The following MTOR variants were observed in gnomAD, a reference collection of about 807,000 sequenced individuals.
MTOR encodes the protein mechanistic target of rapamycin kinase, also known as serine/threonine-protein kinase mTOR.
MTOR carries 70 observed loss-of-function variants against 319.8 expected under a neutral mutation model. The ratio of observed to expected loss-of-function variants is 0.22; its 90% CI spans 0.18 to 0.27. MTOR has a LOEUF of 0.27. Ranked by LOEUF, MTOR falls within the 10% of genes least tolerant of loss-of-function variation. MTOR has a pLI of 1.00. For missense variants in MTOR, 1,890 were observed against 3,274.4 expected, an observed-to-expected ratio of 0.58 and a Z score of 10.32; for synonymous variants, 1,183 against 1,211.4, an observed-to-expected ratio of 0.98 and a Z score of 0.49.
chr1:11,252,924 A>C (rs375947045), intron 6 of MTOR, among the ~76,000 whole-genome samples: 16 of 152,198 alleles, frequency 1.1e-4, no homozygotes, highest in African/African-American at 3.6e-4. Flanking sequence ...TACAAGGCGC[A>C]TAACCAAGGG....
At position 11,237,837 on chromosome 1, in the gene MTOR, G is replaced by A. The variant is rs375405319; in HGVS notation, c.2208+6C>T. On this transcript the variant is annotated splice_donor_region_variant and intron_variant, in intron 13 of 57. Transcript: ENST00000361445. ...TGCCTGTGGGTCTGGCCATCACCTC[G>A]GTTACCTGGATGAGCATCTTGCGCA... The A allele has an allele frequency of 1.4e-4, 231 of 1,613,642 alleles. No individual in the cohort carries two copies. Among genetic ancestry groups the A allele is most frequent in the Non-Finnish European group, 1.9e-4 (227 of 1,180,016 alleles).
chr1:11,238,348 A>T, intron 12 of MTOR, 54 bp downstream of exon 12: 1 of 1,577,080 alleles, frequency 6.3e-7, no homozygotes, highest in Non-Finnish European at 8.7e-7. Context: ...GGCTACTCCC[A>T]ATTGTCCTAA....
chr1:11,117,185 G>A lies in MTOR; in HGVS notation c.6934-99C>T, dbSNP rs1299151482. ...GTCTTTGGTTTGTACTTTTGAGACC[G>A]AGTCTCGCTCTGTCGCCCAGGCTGG... On this transcript the variant is annotated intron_variant, in intron 49 of 57. Coordinates refer to ENST00000361445, the MANE Select transcript of MTOR (RefSeq NM_004958.4). The A allele has an allele frequency of 1.2e-5, 12 of 986,734 alleles. No individual in the cohort carries two copies. The East Asian group carries it at 1.8e-4, about 15-fold the overall frequency. 61.1% of individuals were successfully genotyped at this position (986,734 alleles called of 1,614,324 possible).
At chr1:11,157,464 TG>T (rs1644353754) in intron 29 of MTOR, among the ~76,000 whole-genome samples, 173 bp from the exon 30 acceptor site, 1 of 152,206 alleles carries the variant, frequency 6.6e-6, no homozygotes, top group South Asian at 2.1e-4. Context: ...GAGTGCTGCT[TG>T]GGGAAGGTGG....
intron 18 of MTOR, 68 bp downstream of exon 18, chr1:11,230,857 T>C (rs757371793): frequency 1.2e-5 from 20 of 1,604,064 alleles, no homozygotes; most frequent in Non-Finnish European, 3.4e-6. Context: ...CCAGACTTTC[T>C]AAACACAACC....
At position 11,167,452 on chromosome 1, in the gene MTOR, A is replaced by T; in HGVS notation, c.4319T>A (p.Phe1440Tyr). The T allele has an allele frequency of 1.2e-6, 2 of 1,613,426 alleles. No individual in the cohort carries two copies. The highest frequency in any genetic ancestry group is 1.3e-5 in the African/African-American group (1 of 75,028). Reference sequence around the variant, plus strand: ...GAATGAGGTGCTTACCAGCTCTCCAAAGTGTTTCATGGCATATTCTAACAC... The same window carrying T: ...GAATGAGGTGCTTACCAGCTCTCCATAGTGTTTCATGGCATATTCTAACAC... ...AGVLEYAMKH[F>Y]GELEIQATWY... Residue 1440 changes from phenylalanine to tyrosine, a missense_variant, in exon 29 of 58, where the codon TTT (phenylalanine) becomes TAT (tyrosine). Transcript: ENST00000361445.
At position 11,133,089 on chromosome 1, in the gene MTOR, G is replaced by A. The variant is rs2100445508; in HGVS notation, c.5355C>T (p.Ser1785=). ...YYSAATEHDR[S]WYKAWHAWAV... ...GCCTGCTTCTGATCACCTTGTACCA[G>A]CTGCGGTCGTGCTCTGTGGCGGCGC... Residue 1785 remains serine (S), a synonymous_variant, in exon 38 of 58, where the codon AGC becomes AGT. Coordinates refer to ENST00000361445, the MANE Select transcript of MTOR (RefSeq NM_004958.4). The surrounding 1 kb of genome is among the most constrained non-coding windows in gnomAD (Gnocchi z 4.0). 1 of 1,614,024 alleles carries A rather than the reference G, an allele frequency of 6.2e-7. No individual in the cohort carries two copies. The highest frequency in any genetic ancestry group is 8.5e-7 in the Non-Finnish European group (1 of 1,179,952).
intron 54 of MTOR, chr1:11,111,048 C>A: frequency 2.2e-6 from 1 of 450,804 alleles, no homozygotes. Context: ...ACTGTGTGTC[C>A]TATGAGCCTG....
Position 11,133,015 on chromosome 1 carries a change from G to T in MTOR, c.5364+65C>A. The stretch of plus-strand genomic sequence containing the variant: ...TCCGCAGAAGCTCAGCTGTAACCAC[G>T]AGCACACAGGAGGACACGAGCCAGC... On this transcript the variant is annotated intron_variant, in intron 38 of 57. Coordinates refer to ENST00000361445, the MANE Select transcript of MTOR (RefSeq NM_004958.4). This position sits in a 1 kb window ranked among gnomAD's most constrained non-coding sequence, Gnocchi z 4.0. The T allele has an allele frequency of 7.3e-7, 1 of 1,365,048 alleles. No individual in the cohort carries two copies. Among genetic ancestry groups the T allele is most frequent in the South Asian group, 1.2e-5 (1 of 85,228 alleles). 84.6% of individuals were successfully genotyped at this position (1,365,048 alleles called of 1,614,324 possible).
chr1:11,175,157 C>T (rs1299057645), intron 28 of MTOR, among the ~76,000 whole-genome samples: 1 of 152,164 alleles, frequency 6.6e-6, no homozygotes, highest in Non-Finnish European at 1.5e-5. Context: ...GTTATAACAT[C>T]CAGTTGCTAT....
In MTOR at chr1:11,255,382, C is replaced by CAAAAAAA. The variant is rs56328160; in HGVS notation, c.705+603_705+609dup. ...TGGTGACAGAACAAGACTCCATCTCCAAAAAAAAAAAAAAAAAAAAAAAAA... is the reference window on the plus strand; with the variant it reads ...TGGTGACAGAACAAGACTCCATCTCCAAAAAAAAAAAAAAAAAAAAAAAAAAAAAAAA... On this transcript the variant is annotated intron_variant, in intron 5 of 57. Coordinates refer to ENST00000361445, the MANE Select transcript of MTOR (RefSeq NM_004958.4). Among the ~76,000 whole-genome samples the CAAAAAAA allele has an allele frequency of 2.3e-4, 23 of 98,214 alleles. 1 individual carries two copies. Among genetic ancestry groups the CAAAAAAA allele is most frequent in the African/African-American group, 1.2e-3 (19 of 15,884 alleles). 64.4% of individuals were successfully genotyped at this position (98,214 alleles called of 152,430 possible). A position where few individuals can be genotyped will look rare whatever the true frequency, so the allele number is the denominator to read the frequency against.
chr1:11,254,322 T>C (rs1012591329), intron 5 of MTOR, among the ~76,000 whole-genome samples: 4 of 152,102 alleles, frequency 2.6e-5, no homozygotes, highest in African/African-American at 9.7e-5. Flanking sequence ...GTATTTTTAG[T>C]AGAGACAGGG....
At chr1:11,229,532 G>A (rs1236963781) in intron 18 of MTOR, among the ~76,000 whole-genome samples, 1 of 152,200 alleles carries the variant, frequency 6.6e-6, no homozygotes, top group African/African-American at 2.4e-5. Flanking sequence ...CATGGCTCAG[G>A]CCCTGCTCTC....
At chr1:11,217,396 AT>A (rs796436991) in intron 19 of MTOR, among the ~76,000 whole-genome samples, 86 of 143,772 alleles carry the variant, frequency 6.0e-4, no homozygotes, top group Admixed American at 8.4e-4. Flanking sequence ...CCTTCCCCCA[AT>A]TTTTTTTTTT....
At chr1:11,178,544 C>T (rs1351994645) in intron 28 of MTOR, among the ~76,000 whole-genome samples, 4 of 152,226 alleles carry the variant, frequency 2.6e-5, no homozygotes, top group Non-Finnish European at 4.4e-5. Flanking sequence ...CTTGTCAACA[C>T]TTCTTGACAA....
At position 11,128,181 on chromosome 1, in the gene MTOR, T is replaced by C. The variant is rs1642941340; in HGVS notation, c.5911-55A>G. 4 of 1,603,142 alleles carry C rather than the reference T, an allele frequency of 2.5e-6. No individual in the cohort carries two copies. Among genetic ancestry groups the C allele is most frequent in the African/African-American group, 1.3e-5 (1 of 74,576 alleles). ...AAGGAAATGTGGGTTGGGGAAGAGC[T>C]GGTATGAATTTTAAGGAGAATAACA... is the stretch of plus-strand genomic sequence containing the variant. On this transcript the variant is annotated intron_variant, in intron 42 of 57. Transcript: ENST00000361445. This position sits in a 1 kb window ranked among gnomAD's most constrained non-coding sequence, Gnocchi z 5.3.
At chr1:11,239,240 C>T (rs1230359023) in intron 11 of MTOR, among the ~76,000 whole-genome samples, 1 of 152,176 alleles carries the variant, frequency 6.6e-6, no homozygotes, top group Non-Finnish European at 1.5e-5. Context: ...CAACCCCTTA[C>T]ATTCTCAGAG....
chr1:11,179,971 G>A (rs992415726), intron 28 of MTOR, among the ~76,000 whole-genome samples: 5 of 152,176 alleles, frequency 3.3e-5, no homozygotes, highest in Non-Finnish European at 7.4e-5. Context: ...GAGTGCAGTG[G>A]TGCAATCATA....
chr1:11,233,374 T>C lies in MTOR; in HGVS notation c.2421+24A>G, dbSNP rs1647087803. 4 of 1,602,546 alleles carry C rather than the reference T, an allele frequency of 2.5e-6. No individual in the cohort carries two copies. The Admixed American group carries it at 5.0e-5, about 20-fold the overall frequency. ...TTTCTTTTCCACCCTATCTCCGCTA[T>C]GGAAAAAGTAGCTGCCCCTTTACCT... On this transcript the variant is annotated intron_variant, in intron 15 of 57. Transcript: ENST00000361445.
Sources: gnomAD v4.1 joint callset for allele counts (sites outside exome capture counted in the v4.1 genomes callset) on GRCh38, gnomAD v4.1.1 for gene constraint, Gnocchi (gnomAD v3.1) non-coding constraint, MANE v1.5 for transcripts, NCBI Gene and HGNC (gene_info 2026-07-23, HGNC 2026-07-21) for gene names.